Variants in IQSEC1 observed in about 807,000 individuals in gnomAD.
IQSEC1 encodes IQ motif and SEC7 domain-containing protein 1.
Under a neutral mutation model 91.0 loss-of-function variants are expected in IQSEC1, and 31 were observed. That is an observed-to-expected ratio of 0.34 (90% CI 0.26 to 0.46). IQSEC1 has a LOEUF of 0.46. Among genes scored for constraint, IQSEC1 ranks in the 20% least tolerant of loss-of-function variants. The pLI is 1.00. For synonymous variants in IQSEC1, 699 were observed against 662.6 expected, an observed-to-expected ratio of 1.05 and a Z score of -0.84; for missense variants, 1,388 against 1,575.6, an observed-to-expected ratio of 0.88 and a Z score of 2.02.
upstream of IQSEC1, among the ~76,000 whole-genome samples, chr3:13,073,793 C>T (rs1327672671): frequency 6.6e-6 from 1 of 152,258 alleles, no homozygotes; most frequent in East Asian, 1.9e-4. Flanking sequence ...GCTGTCTCTG[C>T]CACTGAAGGG....
chr3:13,131,144 T>C (rs1235281694), intron 2 of IQSEC1, among the ~76,000 whole-genome samples: 3 of 152,196 alleles, frequency 2.0e-5, no homozygotes, highest in East Asian at 1.9e-4. Context: ...TTTGCCTTCA[T>C]GTATTTTGAG....
At chr3:13,076,899 T>C (rs192820506), upstream of IQSEC1, among the ~76,000 whole-genome samples, 477 of 152,304 alleles carry the variant, frequency 3.1e-3, no homozygotes, top group Non-Finnish European at 4.2e-3. Flanking sequence ...AGGTGACCGC[T>C]GTCATCTGTT....
intron 2 of IQSEC1, among the ~76,000 whole-genome samples, chr3:13,105,967 C>A (rs1361721226): frequency 2.0e-5 from 3 of 152,208 alleles, no homozygotes; most frequent in Admixed American, 1.3e-4. Context: ...TGGGCTTTGT[C>A]TTCTCTCCAT....
intron 1 of IQSEC1, among the ~76,000 whole-genome samples, chr3:13,218,307 T>C (rs1470173662): frequency 6.6e-6 from 1 of 152,218 alleles, no homozygotes; most frequent in Non-Finnish European, 1.5e-5. Context: ...TTTAATCCCA[T>C]TAGTCCCCAG....
chr3:13,052,604 T>C (rs1704730832), intron 1 of IQSEC1, among the ~76,000 whole-genome samples: 2 of 152,212 alleles, frequency 1.3e-5, no homozygotes, highest in South Asian at 2.1e-4. Context: ...ATGATGAGTT[T>C]TAAAAGAAAC....
intron 2 of IQSEC1, among the ~76,000 whole-genome samples, chr3:13,088,813 A>C (rs1433296265): frequency 6.6e-6 from 1 of 152,140 alleles, no homozygotes; most frequent in African/African-American, 2.4e-5. Context: ...TGCATGTGTC[A>C]TGCTTTTTGC....
At chr3:13,220,588 T>C (rs553099133) in intron 1 of IQSEC1, among the ~76,000 whole-genome samples, 1 of 152,354 alleles carries the variant, frequency 6.6e-6, no homozygotes, top group African/African-American at 2.4e-5. Context: ...TAATTAATGA[T>C]CTAGCCTATT....
chr3:13,120,526 C>T (rs1706406403), intron 2 of IQSEC1, among the ~76,000 whole-genome samples: 1 of 152,230 alleles, frequency 6.6e-6, no homozygotes, highest in South Asian at 2.1e-4. Flanking sequence ...ACGTGGTACA[C>T]ACTCGATTAG....
At position 13,103,206 on chromosome 3, in the gene IQSEC1, C is replaced by G. The variant is rs781219092; in HGVS notation, c.303-55684G>C. On this transcript the variant is annotated intron_variant, in intron 2 of 15. Transcript: ENST00000648114. The surrounding 1 kb of genome is among the most constrained non-coding windows in gnomAD (Gnocchi z 4.1). ...AGGGGCCTGCATCGAACTCTCGCCA[C>G]CTCCCTAAGCCAGAGCTGTCTGCTT... 1.3e-5 allele frequency among the ~76,000 whole-genome samples: 2 copies of G among 152,138 alleles called. No homozygotes were observed. Among genetic ancestry groups the G allele is most frequent in the African/African-American group, 2.4e-5 (1 of 41,434 alleles).
At chr3:13,202,641 G>A (rs1452775176) in intron 1 of IQSEC1, among the ~76,000 whole-genome samples, 11 of 152,144 alleles carry the variant, frequency 7.2e-5, no homozygotes, top group Non-Finnish European at 1.5e-4. Context: ...GAGGCATAGG[G>A]AGTCAGTGTT....
rs1694456208 is a variant in IQSEC1 at position 13,211,963 on chromosome 3, G to A, written c.273-47830C>T. ...TTTTTGAGCCCCTGTGGGCTCTGGCGCGTGTCGGTGCCCAGCCTCTGTGAG... is the reference window on the plus strand; with the variant it reads ...TTTTTGAGCCCCTGTGGGCTCTGGCACGTGTCGGTGCCCAGCCTCTGTGAG... On this transcript the variant is annotated intron_variant, in intron 1 of 15. Transcript: ENST00000648114. The surrounding 1 kb of genome is among the most constrained non-coding windows in gnomAD (Gnocchi z 5.3). Among the ~76,000 whole-genome samples, 1 of 152,106 alleles carries A rather than the reference G, an allele frequency of 6.6e-6. No individual in the cohort carries two copies. Among genetic ancestry groups the A allele is most frequent in the Non-Finnish European group, 1.5e-5 (1 of 68,008 alleles).
At chr3:12,988,659 C>T (rs360841) in intron 1 of IQSEC1, among the ~76,000 whole-genome samples, 10,821 of 152,158 alleles carry the variant, frequency 0.071, 510 homozygotes, top group Middle Eastern at 0.12. Context: ...GTCAGGATGA[C>T]GACAATCTCT....
intron 1 of IQSEC1, among the ~76,000 whole-genome samples, chr3:13,257,423 G>A (rs147666926): frequency 4.6e-5 from 7 of 152,260 alleles, no homozygotes; most frequent in East Asian, 3.9e-4. Flanking sequence ...TGGTGACCTC[G>A]CTAGGCTCCC....
intron 1 of IQSEC1, among the ~76,000 whole-genome samples, chr3:13,053,594 C>G (rs950482371): frequency 1.2e-4 from 18 of 152,156 alleles, no homozygotes; most frequent in African/African-American, 4.3e-4. Flanking sequence ...GCTCACAGCC[C>G]CAGCAGCTGC....
At chr3:13,097,554 G>A (rs939544878) in intron 2 of IQSEC1, among the ~76,000 whole-genome samples, 2 of 152,160 alleles carry the variant, frequency 1.3e-5, no homozygotes, top group Non-Finnish European at 2.9e-5. Context: ...CCGGGGCTGG[G>A]CCCCTCAGCT....
chr3:12,931,000 C>T (rs1327240817), intron 3 of IQSEC1, among the ~76,000 whole-genome samples: 2 of 152,196 alleles, frequency 1.3e-5, no homozygotes, highest in Non-Finnish European at 2.9e-5. Context: ...AAGCTCGCCA[C>T]CTCCGGAGGC....
intron 1 of IQSEC1, among the ~76,000 whole-genome samples, chr3:13,010,272 C>G (rs913909260): frequency 1.2e-4 from 18 of 152,160 alleles, no homozygotes; most frequent in African/African-American, 4.3e-4. Flanking sequence ...GTAAGACACC[C>G]CAATTTTCTT....
chr3:13,061,115 G>T (rs953771946), intron 1 of IQSEC1, among the ~76,000 whole-genome samples: 2 of 152,166 alleles, frequency 1.3e-5, no homozygotes, highest in African/African-American at 4.8e-5. Context: ...TCCCTGAGAA[G>T]TTGCTCTTGC....
chr3:13,205,416 C>T (rs929156691), intron 1 of IQSEC1, among the ~76,000 whole-genome samples: 6 of 152,078 alleles, frequency 3.9e-5, no homozygotes, highest in Admixed American at 3.9e-4. Context: ...AAATCTGAAA[C>T]GTTCCTGTTA....
Sources: gnomAD v4.1 joint callset for allele counts (sites outside exome capture counted in the v4.1 genomes callset) on GRCh38, gnomAD v4.1.1 for gene constraint, Gnocchi (gnomAD v3.1) non-coding constraint, MANE v1.5 for transcripts, NCBI Gene and HGNC (gene_info 2026-07-23, HGNC 2026-07-21) for gene names.